MAP7: variants seen among roughly 807,000 people sequenced by gnomAD.
MAP7 encodes the protein ensconsin.
A neutral mutation model predicts 94.8 loss-of-function variants in MAP7; 52 were observed. The observed-to-expected ratio is 0.55, with a 90% confidence interval of 0.44 to 0.69. The LOEUF is 0.69. Among genes scored for constraint, MAP7 ranks in the 30% least tolerant of loss-of-function variants. The pLI is 0.00. For missense variants in MAP7, 940 were observed against 964.6 expected, an observed-to-expected ratio of 0.97 and a Z score of 0.34; for synonymous variants, 350 against 357.0, an observed-to-expected ratio of 0.98 and a Z score of 0.22.
intron 1 of MAP7, among the ~76,000 whole-genome samples, chr6:136,512,851 T>G (rs1052458810): frequency 1.3e-5 from 2 of 151,364 alleles, no homozygotes; most frequent in African/African-American, 4.9e-5. Context: ...TTTTTTTTTT[T>G]GAAAGGGTCT....
chr6:136,423,782 G>GTTTTTTTTTTTTTTT, intron 1 of MAP7, among the ~76,000 whole-genome samples: 1 of 136,144 alleles, frequency 7.3e-6, no homozygotes, highest in Non-Finnish European at 1.5e-5. Context: ...AGGGAGTTGT[G>GTTTTTTTTTTTTTTT]TTTTTTTTTT....
chr6:136,489,526 C>CTTTTTTTTTT (rs1164047042), intron 1 of MAP7, among the ~76,000 whole-genome samples: 2 of 103,002 alleles, frequency 1.9e-5, no homozygotes, highest in Non-Finnish European at 3.9e-5. Context: ...CATCAGGTTT[C>CTTTTTTTTTT]TTTTTTTTTT....
At chr6:136,377,133 T>A (rs78569175) in intron 7 of MAP7, among the ~76,000 whole-genome samples, 7,277 of 152,308 alleles carry the variant, frequency 0.048, 350 homozygotes, top group African/African-American at 0.12. Flanking sequence ...AATTCAGGTA[T>A]GTTTTGCATT....
intron 1 of MAP7, among the ~76,000 whole-genome samples, chr6:136,485,879 G>T (rs1814574652): frequency 6.6e-6 from 1 of 152,120 alleles, no homozygotes; most frequent in Non-Finnish European, 1.5e-5. Flanking sequence ...ATTTTTTAAT[G>T]CTTTAAATAG....
At chr6:136,517,127 C>T (rs1420921363) in intron 1 of MAP7, among the ~76,000 whole-genome samples, 2 of 152,126 alleles carry the variant, frequency 1.3e-5, no homozygotes. Context: ...GTGAGGTGAT[C>T]TGACATTATG....
intron 1 of MAP7, among the ~76,000 whole-genome samples, chr6:136,468,365 G>T (rs144876328): frequency 1.3e-5 from 2 of 151,978 alleles, no homozygotes; most frequent in Non-Finnish European, 2.9e-5. Flanking sequence ...CTATTATGAC[G>T]CCAGTTTTAC....
At chr6:136,450,786 A>AC (rs1381251393) in intron 1 of MAP7, among the ~76,000 whole-genome samples, 1 of 149,616 alleles carries the variant, frequency 6.7e-6, no homozygotes, top group East Asian at 1.9e-4. Flanking sequence ...CTCCATCTCA[A>AC]AAAAAAAAAG....
chr6:136,447,545 T>A (rs1306522551), intron 1 of MAP7, among the ~76,000 whole-genome samples: 1 of 152,252 alleles, frequency 6.6e-6, no homozygotes, highest in East Asian at 1.9e-4. Flanking sequence ...ATAAATTTTT[T>A]AAAAACTTAA....
chr6:136,481,943 A>G (rs1400021289), intron 1 of MAP7, among the ~76,000 whole-genome samples: 1 of 152,218 alleles, frequency 6.6e-6, no homozygotes, highest in East Asian at 1.9e-4. Context: ...GAAAAATCCA[A>G]GTGAAGGGTA....
At chr6:136,471,613 G>T (rs984127142) in intron 1 of MAP7, among the ~76,000 whole-genome samples, 9 of 152,044 alleles carry the variant, frequency 5.9e-5, no homozygotes, top group African/African-American at 1.9e-4. Context: ...TACCCATGCT[G>T]TTTATTTAGG....
chr6:136,387,825 A>G (rs1779591515), intron 5 of MAP7, among the ~76,000 whole-genome samples: 1 of 152,232 alleles, frequency 6.6e-6, no homozygotes, highest in Non-Finnish European at 1.5e-5. Flanking sequence ...GGGGTATTGA[A>G]TTTACAGTAC....
intron 1 of MAP7, among the ~76,000 whole-genome samples, chr6:136,449,002 TAAAA>T (rs748818487): frequency 5.9e-5 from 4 of 67,746 alleles, no homozygotes; most frequent in African/African-American, 1.6e-4. Flanking sequence ...ACAGTGGTGT[TAAAA>T]AAAAAAAAAA....
chr6:136,549,563 C>T (rs779131750), intron 1 of MAP7, among the ~76,000 whole-genome samples: 16 of 152,154 alleles, frequency 1.1e-4, no homozygotes, highest in Admixed American at 2.0e-4. Flanking sequence ...CCTAAGTGTG[C>T]CCCTGGAGGT....
chr6:136,535,898 C>G (rs369320840), intron 1 of MAP7, among the ~76,000 whole-genome samples: 9 of 151,700 alleles, frequency 5.9e-5, no homozygotes, highest in African/African-American at 1.9e-4. Flanking sequence ...CCTCCCCGCT[C>G]CCCCCACCCC....
intron 1 of MAP7, among the ~76,000 whole-genome samples, chr6:136,456,263 A>C (rs1010550375): frequency 6.6e-6 from 1 of 152,238 alleles, no homozygotes; most frequent in Non-Finnish European, 1.5e-5. Flanking sequence ...CCTATAGGGA[A>C]ATTATAAAAT....
chr6:136,350,844 C>G (rs887875175), intron 16 of MAP7, among the ~76,000 whole-genome samples: 1 of 152,022 alleles, frequency 6.6e-6, no homozygotes, highest in Non-Finnish European at 1.5e-5. Flanking sequence ...GGTGACAGAG[C>G]AAGACTCTGT....
rs1825787250 is a variant in MAP7 at position 136,519,499 on chromosome 6, T to C, written c.67+30843A>G. On this transcript the variant is annotated intron_variant, in intron 1 of 17. Coordinates refer to ENST00000354570, the MANE Select transcript of MAP7 (RefSeq NM_003980.6). ...ATATTTCTTATTCTAAGACTTCTCT[T>C]GGAAAACAAAAAGATTCATGACTTA... Among the ~76,000 whole-genome samples, 3 of 152,206 alleles carry C rather than the reference T, an allele frequency of 2.0e-5. No homozygotes were observed. The South Asian group carries it at 6.2e-4, about 31-fold the overall frequency.
chr6:136,468,283 A>G (rs1324066741), intron 1 of MAP7, among the ~76,000 whole-genome samples: 2 of 152,022 alleles, frequency 1.3e-5, no homozygotes, highest in African/African-American at 4.8e-5. Flanking sequence ...AAATTTATTG[A>G]TCATCTATTA....
chr6:136,500,200 T>G (rs549839671), intron 1 of MAP7, among the ~76,000 whole-genome samples: 1 of 152,318 alleles, frequency 6.6e-6, no homozygotes, highest in East Asian at 1.9e-4. Flanking sequence ...TTAAATTATC[T>G]ATACAAAGTA....
Sources: gnomAD v4.1 joint callset for allele counts (sites outside exome capture counted in the v4.1 genomes callset) on GRCh38, gnomAD v4.1.1 for gene constraint, MANE v1.5 for transcripts, NCBI Gene and HGNC (gene_info 2026-07-23, HGNC 2026-07-21) for gene names.